ADAMTS19: variants seen among roughly 807,000 people sequenced by gnomAD.
ADAMTS19 encodes the protein A disintegrin and metalloproteinase with thrombospondin motifs 19.
Under a neutral mutation model 153.3 loss-of-function variants are expected in ADAMTS19, and 93 were observed. That is an observed-to-expected ratio of 0.61 (90% CI 0.51 to 0.72). The LOEUF (loss-of-function observed/expected upper bound fraction) is 0.72. Among genes scored for constraint, ADAMTS19 ranks in the 30% least tolerant of loss-of-function variants. The pLI, the probability that ADAMTS19 is intolerant of heterozygous loss-of-function variation, is 0.00. For missense variants in ADAMTS19, 1,482 were observed against 1,552.1 expected (o/e 0.95, Z 0.76); for synonymous variants, 600 against 556.6 (o/e 1.08, Z -1.10).
At chr5:129,710,776 G>A (rs1323139774) in intron 21 of ADAMTS19, among the ~76,000 whole-genome samples, 3 of 152,164 alleles carry the variant, frequency 2.0e-5, no homozygotes, top group African/African-American at 7.2e-5. Context: ...AACTCAGTGA[G>A]TCTTTGAAAG....
chr5:129,704,227 G>T lies in ADAMTS19; in HGVS notation c.3160-12G>T, dbSNP rs770995140. The T allele has an allele frequency of 3.1e-6, 5 of 1,609,110 alleles. No homozygotes were observed. The East Asian group carries it at 1.1e-4, about 36-fold the overall frequency. On this transcript the variant is annotated splice_polypyrimidine_tract_variant and intron_variant, in intron 20 of 22. Coordinates refer to ENST00000274487, the MANE Select transcript of ADAMTS19 (RefSeq NM_133638.6). The stretch of plus-strand genomic sequence containing the variant: ...ACCAACTTTATCTAAAACCTCTGAT[G>T]TTATCTTCCAGTGTTCAGTCAAGTG...
intron 8 of ADAMTS19, among the ~76,000 whole-genome samples, chr5:129,613,183 G>A (rs954756449): frequency 6.6e-6 from 1 of 152,034 alleles, no homozygotes; most frequent in African/African-American, 2.4e-5. Context: ...TGCACAAGTG[G>A]ACCTAATAGA....
chr5:129,721,907 C>G (rs1405925109), intron 21 of ADAMTS19, among the ~76,000 whole-genome samples: 2 of 152,174 alleles, frequency 1.3e-5, no homozygotes, highest in Non-Finnish European at 2.9e-5. Flanking sequence ...CCAGCTGTAT[C>G]CATGTCCCTG....
At chr5:129,646,135 G>A (rs1467438074) in intron 11 of ADAMTS19, among the ~76,000 whole-genome samples, 5 of 151,462 alleles carry the variant, frequency 3.3e-5, no homozygotes, top group Non-Finnish European at 5.9e-5. Context: ...TGATCCGCCC[G>A]CCTCGGCCTC....
intron 14 of ADAMTS19, among the ~76,000 whole-genome samples, chr5:129,658,313 G>A (rs865867710): frequency 3.9e-3 from 91 of 23,604 alleles, no homozygotes; most frequent in African/African-American, 8.6e-3. Context: ...GAAAGAAAAA[G>A]AAAGAAAGAA....
In ADAMTS19 at chr5:129,585,034, C is replaced by A. The variant is rs193142359; in HGVS notation, c.1373-11525C>A. Among the ~76,000 whole-genome samples, 352 of 152,282 alleles carry A rather than the reference C, an allele frequency of 2.3e-3. 4 individuals are homozygous for A. Among genetic ancestry groups the A allele is most frequent in the Non-Finnish European group, 5.3e-4 (36 of 68,022 alleles). On this transcript the variant is annotated intron_variant, in intron 7 of 22. Transcript: ENST00000274487. ...CTCAGGGCCCTGGTGGTGCAGGCAC[C>A]TGTGGGCAACTCCTGCTCTGCGGGT...
chr5:129,468,777 A>T (rs963635079), intron 2 of ADAMTS19, among the ~76,000 whole-genome samples: 2 of 151,146 alleles, frequency 1.3e-5, no homozygotes, highest in Non-Finnish European at 3.0e-5. Context: ...TCTTTTACTT[A>T]TTATTATTAT....
Position 129,461,382 on chromosome 5 carries a change from G to A in ADAMTS19, c.372G>A (p.Glu124=). ...PSEGEEDEEL[E]SQELPRGSSG... ...AGGGTGAGGAGGACGAGGAGCTCGA[G>A]TCGCAGGAGCTGCCGCGGGGATCCA... is the stretch of plus-strand genomic sequence containing the variant. The change falls in exon 2 of 23, where the codon GAG becomes GAA. Residue 124 remains glutamate, a synonymous_variant. Transcript: ENST00000274487. The surrounding 1 kb of genome is among the most constrained non-coding windows in gnomAD (Gnocchi z 4.6). 1 of 1,350,202 alleles carries A rather than the reference G, an allele frequency of 7.4e-7. No homozygotes were observed. The highest frequency in any genetic ancestry group is 9.4e-7 in the Non-Finnish European group (1 of 1,062,172). The allele number at this position is 1,350,202 out of a possible 1,614,324, so 83.6% of individuals were successfully genotyped here.
chr5:129,532,427 T>C (rs556664042), intron 6 of ADAMTS19, among the ~76,000 whole-genome samples: 25 of 152,122 alleles, frequency 1.6e-4, no homozygotes, highest in Non-Finnish European at 3.7e-4. Context: ...CTTGAAAGGC[T>C]TCAGTTATAA....
intron 10 of ADAMTS19, among the ~76,000 whole-genome samples, chr5:129,636,380 T>C (rs1752534965): frequency 6.6e-6 from 1 of 152,220 alleles, no homozygotes; most frequent in Non-Finnish European, 1.5e-5. Flanking sequence ...TCATTTTCTT[T>C]AAAAATTTAA....
intron 16 of ADAMTS19, among the ~76,000 whole-genome samples, chr5:129,669,708 T>A (rs754471469): frequency 2.0e-5 from 3 of 152,136 alleles, no homozygotes; most frequent in Non-Finnish European, 4.4e-5. Context: ...TAAGAGTTTA[T>A]AGGTATACAT....
intron 21 of ADAMTS19, among the ~76,000 whole-genome samples, chr5:129,723,896 T>C (rs780659182): frequency 5.3e-5 from 8 of 152,108 alleles, no homozygotes; most frequent in Non-Finnish European, 7.4e-5. Context: ...CAGAAACAAC[T>C]TGAAGAGGGG....
At chr5:129,662,170 C>T (rs1162809457) in intron 15 of ADAMTS19, among the ~76,000 whole-genome samples, 2 of 152,060 alleles carry the variant, frequency 1.3e-5, no homozygotes, top group Non-Finnish European at 2.9e-5. Flanking sequence ...CAAAATATGG[C>T]GTTTGTTACT....
intron 2 of ADAMTS19, among the ~76,000 whole-genome samples, chr5:129,499,059 AC>A (rs923298819): frequency 1.4e-4 from 21 of 152,042 alleles, no homozygotes; most frequent in African/African-American, 5.1e-4. Context: ...TTACAATGGA[AC>A]ATAATAGATT....
rs1192234755 is a variant in ADAMTS19, at chr5:129,734,860, A to T, written c.3313-72A>T. ...TAAGAAACATTTAGAGAATGTTCCC[A>T]CACCCTAGAAAATAATAACAGCAAA... On this transcript the variant is annotated intron_variant, in intron 21 of 22. Transcript: ENST00000274487. 3.8e-5 allele frequency: 50 copies of T among 1,314,314 alleles called. 1 individual carries two copies. The highest frequency in any genetic ancestry group is 5.1e-5 in the Non-Finnish European group (50 of 983,634). The allele number at this position is 1,314,314 out of a possible 1,614,324, so 81.4% of individuals were successfully genotyped here.
At position 129,627,423 on chromosome 5, in the gene ADAMTS19, A is replaced by G. The variant is rs567011970; in HGVS notation, c.1770+5075A>G. Among the ~76,000 whole-genome samples the G allele has an allele frequency of 4.6e-5, 7 of 152,192 alleles. No individual in the cohort carries two copies. The East Asian group carries it at 5.8e-4, about 13-fold the overall frequency. ...AAAACCCTGGAAAACAACCTAGGCAATACTGGTCTGGACATAGGAATGAGC... is the reference window on the plus strand; with the variant it reads ...AAAACCCTGGAAAACAACCTAGGCAGTACTGGTCTGGACATAGGAATGAGC... On this transcript the variant is annotated intron_variant, in intron 10 of 22. Coordinates refer to ENST00000274487, the MANE Select transcript of ADAMTS19 (RefSeq NM_133638.6).
At chr5:129,529,965 T>G (rs1241331346) in intron 6 of ADAMTS19, among the ~76,000 whole-genome samples, 3 of 152,114 alleles carry the variant, frequency 2.0e-5, no homozygotes, top group Non-Finnish European at 4.4e-5. Flanking sequence ...GCTTGGAGGT[T>G]GAATACCACC....
At chr5:129,620,805 C>A (rs1232037871) in intron 9 of ADAMTS19, 47 bp downstream of exon 9, 1 of 1,575,658 alleles carries the variant, frequency 6.3e-7, no homozygotes, top group East Asian at 2.3e-5. Context: ...ATTATGTGTG[C>A]TGTTTCTTTT....
intron 2 of ADAMTS19, among the ~76,000 whole-genome samples, chr5:129,472,596 G>A (rs1323427360): frequency 1.3e-5 from 2 of 152,020 alleles, no homozygotes; most frequent in Non-Finnish European, 2.9e-5. Context: ...CAGCATAAGT[G>A]TTTTCCCACT....
Sources: allele counts gnomAD v4.1 joint callset (sites outside exome capture counted in the v4.1 genomes callset), GRCh38; gene constraint gnomAD v4.1.1; non-coding constraint Gnocchi (gnomAD v3.1); transcripts MANE v1.5; gene names NCBI Gene and HGNC (gene_info 2026-07-23, HGNC 2026-07-21).